The following SMARCA2 variants were observed in gnomAD, a reference collection of about 807,000 sequenced individuals.
SMARCA2 encodes the protein SWI/SNF-related matrix-associated actin-dependent regulator of chromatin subfamily A member 2.
Under a neutral mutation model 199.8 loss-of-function variants are expected in SMARCA2, and 61 were observed. That is an observed-to-expected ratio of 0.31 (90% CI 0.25 to 0.38). SMARCA2 has a LOEUF of 0.38. Among genes scored for constraint, SMARCA2 ranks in the 10% least tolerant of loss-of-function variants. The pLI is 1.00. For missense variants in SMARCA2, 1,344 were observed against 2,012.2 expected (o/e 0.67, Z 6.35); for synonymous variants, 935 against 732.0 (o/e 1.28, Z -4.48).
intron 27 of SMARCA2, chr9:2,159,927 T>C (rs1283792616): frequency 6.2e-7 from 1 of 1,601,666 alleles, no homozygotes; most frequent in Non-Finnish European, 8.5e-7. Context: ...TCCTTTTTCG[T>C]TGCCGTCTTG....
chr9:2,062,303 A>G (rs1820628872), intron 9 of SMARCA2, among the ~76,000 whole-genome samples: 1 of 152,222 alleles, frequency 6.6e-6, no homozygotes, highest in African/African-American at 2.4e-5. Flanking sequence ...AGTGGACCCC[A>G]TTAAATGGCA....
At position 2,182,201 on chromosome 9, in the gene SMARCA2, C is replaced by T; in HGVS notation, c.4420C>T (p.Leu1474Phe). Residue 1474 changes from leucine to phenylalanine, a missense_variant, in exon 31 of 34, where the codon CTC becomes TTC. Leu to Phe is a conservative substitution (Grantham distance 22, BLOSUM62 0). Coordinates refer to ENST00000349721, the MANE Select transcript of SMARCA2 (RefSeq NM_003070.5). ...CGACCTGGAGAAGGATGTCATGCTT[C>T]TCTGTCACAACGCTCAGACGTTCAA... Reference protein sequence around the residue: ...LGDLEKDVMLLCHNAQTFNLE... With the variant: ...LGDLEKDVMLFCHNAQTFNLE... 1.2e-6 allele frequency: 2 copies of T among 1,613,820 alleles called. No homozygotes were observed. The highest frequency in any genetic ancestry group is 1.7e-6 in the Non-Finnish European group (2 of 1,179,688).
intron 23 of SMARCA2, among the ~76,000 whole-genome samples, chr9:2,108,255 C>A (rs1351676363): frequency 6.6e-6 from 1 of 152,166 alleles, no homozygotes; most frequent in Non-Finnish European, 1.5e-5. Context: ...ACTGAAGTAA[C>A]CATTACCATG....
chr9:2,147,383 A>T (rs755249932), intron 27 of SMARCA2, among the ~76,000 whole-genome samples: 4 of 152,210 alleles, frequency 2.6e-5, no homozygotes, highest in Admixed American at 2.6e-4. Flanking sequence ...GTGAGAAAAT[A>T]ATATGTCACT....
At position 2,119,358 on chromosome 9, in the gene SMARCA2, T is replaced by G; in HGVS notation, c.3685-100T>G. On this transcript the variant is annotated intron_variant, in intron 25 of 33. Transcript: ENST00000349721. The surrounding 1 kb of genome is among the most constrained non-coding windows in gnomAD (Gnocchi z 4.6). ...AACCCCTTCCCTTTTCTTTCTGCCT[T>G]GAGAAATGGGACCCCTCTGGTCTGG... is the stretch of plus-strand genomic sequence containing the variant. The G allele has an allele frequency of 3.4e-5, 25 of 744,206 alleles. No homozygotes were observed. Among genetic ancestry groups the G allele is most frequent in the Non-Finnish European group, 5.0e-5 (21 of 421,796 alleles). The allele number at this position is 744,206 out of a possible 1,614,324, so 46.1% of individuals were successfully genotyped here.
intron 32 of SMARCA2, among the ~76,000 whole-genome samples, chr9:2,187,468 TCAAGACCAGCCTGGATAACATAG>T (rs1057067167): frequency 1.3e-5 from 2 of 152,042 alleles, no homozygotes; most frequent in Non-Finnish European, 2.9e-5. Flanking sequence ...GGCTAGGAGT[TCAAGACCAGCCTGGATAACATAG>T]CAAGACCCTA....
chr9:2,181,477 A>G (rs1827018868), intron 29 of SMARCA2, 94 bp from the exon 30 acceptor site: 1 of 725,120 alleles, frequency 1.4e-6, no homozygotes, highest in Non-Finnish European at 2.5e-6. Flanking sequence ...GTGGAATATA[A>G]TTTACTTTGT....
chr9:2,091,718 A>G (rs572932361), intron 19 of SMARCA2, among the ~76,000 whole-genome samples: 77 of 152,342 alleles, frequency 5.1e-4, no homozygotes, highest in South Asian at 4.1e-3. Flanking sequence ...TAGTCCCACC[A>G]GAAATATATG....
At chr9:2,031,921 C>T (rs1819089047) in intron 2 of SMARCA2, among the ~76,000 whole-genome samples, 1 of 152,162 alleles carries the variant, frequency 6.6e-6, no homozygotes, top group Admixed American at 6.5e-5. Flanking sequence ...AAACAAGTGG[C>T]CTAAATACAT....
At position 2,190,921 on chromosome 9, in the gene SMARCA2, A is replaced by ATGAT. The variant is rs1827835242; in HGVS notation, c.4595-342_4595-339dup. Among the ~76,000 whole-genome samples the ATGAT allele has an allele frequency of 7.2e-5, 11 of 152,290 alleles. No individual in the cohort carries two copies. The South Asian group carries it at 2.3e-3, about 32-fold the overall frequency. ...ATTTTTAATGTAAAAGTTCTATTAAATGATTGCCCAACACCTCCACAAGTA... is the reference window on the plus strand; with the variant it reads ...ATTTTTAATGTAAAAGTTCTATTAAATGATTGATTGCCCAACACCTCCACAAGTA... On this transcript the variant is annotated intron_variant, in intron 32 of 33. Coordinates refer to ENST00000349721, the MANE Select transcript of SMARCA2 (RefSeq NM_003070.5).
In SMARCA2 at chr9:2,115,921, G is replaced by T. The variant is rs1413543327; in HGVS notation, c.3556G>T (p.Ala1186Ser). Residue 1186 changes from alanine (A) to serine (S), a missense_variant, in exon 25 of 34, where the codon GCG (alanine) becomes TCG (serine). Physicochemically the swap from Ala to Ser is moderately conservative, Grantham distance 99. Transcript: ENST00000349721. This position sits in a 1 kb window ranked among gnomAD's most constrained non-coding sequence, Gnocchi z 6.0. ...GAACAGCGTGGAGGAAAAGATCCTCGCGGCCGCAAAATACAAGCTGAACGT... is the reference window on the plus strand; with the variant it reads ...GAACAGCGTGGAGGAAAAGATCCTCTCGGCCGCAAAATACAAGCTGAACGT... The part of the protein sequence containing the change: ...TVNSVEEKIL[A>S]AAKYKLNVDQ... 6.2e-7 allele frequency: 1 copy of T among 1,614,044 alleles called. No homozygotes were observed. The highest frequency in any genetic ancestry group is 1.1e-5 in the South Asian group (1 of 91,070).
In SMARCA2 at chr9:2,083,944, G is replaced by A. The variant is rs559924274; in HGVS notation, c.2416-142G>A. The A allele has an allele frequency of 1.9e-4, 106 of 555,910 alleles. 1 individual carries two copies. The highest frequency in any genetic ancestry group is 3.6e-4 in the South Asian group (13 of 35,922). 34.4% of individuals were successfully genotyped at this position (555,910 alleles called of 1,614,324 possible). On this transcript the variant is annotated intron_variant, in intron 16 of 33. Transcript: ENST00000349721. Reference sequence around the variant, plus strand: ...CGTGTAATTTAGCCAAAACTTCCTCGTGTATAATAGATCAGTCTATGAGAA... The same window carrying A: ...CGTGTAATTTAGCCAAAACTTCCTCATGTATAATAGATCAGTCTATGAGAA...
chr9:2,183,527 G>T (rs906563233), intron 31 of SMARCA2, among the ~76,000 whole-genome samples: 1 of 152,178 alleles, frequency 6.6e-6, no homozygotes, highest in African/African-American at 2.4e-5. Flanking sequence ...GAAAGAAAAA[G>T]ACAAAGATGT....
At chr9:2,105,511 C>G (rs534858237) in intron 23 of SMARCA2, among the ~76,000 whole-genome samples, 2 of 152,112 alleles carry the variant, frequency 1.3e-5, no homozygotes, top group Non-Finnish European at 2.9e-5. Context: ...GCCTCGGCCT[C>G]CCACAGTGTT....
Position 2,119,505 on chromosome 9 carries a change from T to G in SMARCA2, c.3732T>G (p.Ala1244=), listed in dbSNP as rs1331655864. Residue 1244 remains alanine (A), a synonymous_variant, in exon 26 of 34, where the codon GCT becomes GCG. Transcript: ENST00000349721. This position sits in a 1 kb window ranked among gnomAD's most constrained non-coding sequence, Gnocchi z 4.6. ...ATGAGACTCTGAACCAAATGATTGC[T>G]CGACGAGAAGAAGAATTTGACCTTT... The part of the protein sequence containing the change: ...PDDETLNQMI[A]RREEEFDLFM... The G allele has an allele frequency of 2.5e-6, 4 of 1,613,062 alleles. No homozygotes were observed. The East Asian group carries it at 8.9e-5, about 36-fold the overall frequency.
intron 27 of SMARCA2, chr9:2,158,003 G>A (rs573607109): frequency 7.6e-6 from 3 of 396,294 alleles, no homozygotes; most frequent in African/African-American, 4.1e-5. Context: ...AATCCTGCAT[G>A]ACTGTCTCCT....
At chr9:2,177,699 T>C (rs979979302) in intron 29 of SMARCA2, among the ~76,000 whole-genome samples, 2 of 151,968 alleles carry the variant, frequency 1.3e-5, no homozygotes, top group Non-Finnish European at 1.5e-5. Context: ...ATTACAGGCA[T>C]GCGCCACCAC....
intron 31 of SMARCA2, among the ~76,000 whole-genome samples, chr9:2,185,252 C>T (rs1195528958): frequency 6.6e-6 from 1 of 152,216 alleles, no homozygotes; most frequent in African/African-American, 2.4e-5. Context: ...ATTTTAGATA[C>T]TTCGTATGAG....
At chr9:2,072,266 C>T (rs1051829414) in intron 10 of SMARCA2, among the ~76,000 whole-genome samples, 6 of 152,174 alleles carry the variant, frequency 3.9e-5, no homozygotes, top group African/African-American at 1.4e-4. Context: ...GAACCACTCA[C>T]AGACCAAGCA....
Sources: gnomAD v4.1 joint callset for allele counts (sites outside exome capture counted in the v4.1 genomes callset) on GRCh38, gnomAD v4.1.1 for gene constraint, Gnocchi (gnomAD v3.1) non-coding constraint, MANE v1.5 for transcripts, NCBI Gene and HGNC (gene_info 2026-07-23, HGNC 2026-07-21) for gene names.